Variants in CYP4B1 observed in about 807,000 individuals in gnomAD.
The protein encoded by CYP4B1 is cytochrome P450 family 4 subfamily B member 1, also known as cytochrome P450 4B1.
CYP4B1 carries 45 observed loss-of-function variants against 54.0 expected under a neutral mutation model. That is an observed-to-expected ratio of 0.83 (90% confidence interval 0.66 to 1.07). The LOEUF (loss-of-function observed/expected upper bound fraction) is 1.07. CYP4B1 is among the 50% of genes least tolerant of loss of function. The probability of loss-of-function intolerance (pLI) is 0.00; values close to 1 mark genes in which losing one functional copy is unlikely to be tolerated. For missense variants in CYP4B1, 656 were observed against 655.4 expected (o/e 1.00, Z -0.01); for synonymous variants, 248 against 247.5 (o/e 1.00, Z -0.02).
intron 1 of CYP4B1, among the ~76,000 whole-genome samples, chr1:46,810,181 G>T (rs1679041126): frequency 2.0e-5 from 3 of 152,206 alleles, no homozygotes; most frequent in Admixed American, 2.0e-4. Flanking sequence ...CCAACAAGAA[G>T]CCTTCCAAGA....
rs575674167 is a variant in CYP4B1 at position 46,805,277 on chromosome 1, C to G, written c.181-5531C>G. 5.1e-4 allele frequency among the ~76,000 whole-genome samples: 77 copies of G among 152,328 alleles called. 1 individual carries two copies. The South Asian group carries it at 0.016, about 31-fold the overall frequency. On this transcript the variant is annotated intron_variant, in intron 1 of 11. Transcript: ENST00000371923. ...CTCATCTGATTGGGTGCTCCTGAGT[C>G]TGGAGTTCACCTTTGGATGCTGAAG...
intron 1 of CYP4B1, among the ~76,000 whole-genome samples, 153 bp downstream of exon 1, chr1:46,799,414 C>T (rs1678521554): frequency 6.6e-6 from 1 of 152,184 alleles, no homozygotes; most frequent in African/African-American, 2.4e-5. Context: ...AGCTTTCCCA[C>T]CGGAATTTCT....
At chr1:46,810,703 C>G in intron 1 of CYP4B1, 105 bp from the exon 2 acceptor site, 1 of 1,282,552 alleles carries the variant, frequency 7.8e-7, no homozygotes, top group Non-Finnish European at 1.1e-6. Context: ...AAGGAAGCAA[C>G]CAGGGCCTGC....
chr1:46,818,730 C>T lies in CYP4B1; in HGVS notation c.1455C>T (p.Pro485=). The change falls in exon 12 of 12, where the codon CCC becomes CCT. Residue 485 remains proline (P), a synonymous_variant. Transcript: ENST00000371923. ...FEFSLDPSRL[P]IKMPQLVLRS... ...TCTCTCTGGACCCCTCACGGCTGCC[C>T]ATCAAGATGCCCCAGCTTGTCCTGC... 6.2e-7 allele frequency: 1 copy of T among 1,614,202 alleles called. No homozygotes were observed. Among genetic ancestry groups the T allele is most frequent in the South Asian group, 1.1e-5 (1 of 91,078 alleles).
chr1:46,807,113 A>G (rs1890250), intron 1 of CYP4B1, among the ~76,000 whole-genome samples: 22,906 of 152,212 alleles, frequency 0.15, 1,941 homozygotes, highest in South Asian at 0.2. Flanking sequence ...GCTCATGCAC[A>G]TGTTTTTTAT....
At chr1:46,818,498 C>T (rs1227239112) in intron 11 of CYP4B1, 133 bp from the exon 12 acceptor site, 3 of 959,600 alleles carry the variant, frequency 3.1e-6, no homozygotes, top group Non-Finnish European at 4.8e-6. Flanking sequence ...GTTTCATAAG[C>T]CCAGGTCAAC....
chr1:46,818,053 A>G, intron 10 of CYP4B1, 24 bp downstream of exon 10: 1 of 1,613,598 alleles, frequency 6.2e-7, no homozygotes, highest in Non-Finnish European at 8.5e-7. Flanking sequence ...GGGCTGGGAG[A>G]TCAGACAGGG....
rs774825270 is a variant in CYP4B1, at chr1:46,815,284, C to A, written c.1073+20C>A. 6.5e-7 allele frequency: 1 copy of A among 1,529,012 alleles called. No homozygotes were observed. Among genetic ancestry groups the A allele is most frequent in the Non-Finnish European group, 8.8e-7 (1 of 1,137,494 alleles). The allele number at this position is 1,529,012 out of a possible 1,614,324, so 94.7% of individuals were successfully genotyped here. A position where few individuals can be genotyped will look rare whatever the true frequency, so the allele number is the denominator to read the frequency against. On this transcript the variant is annotated intron_variant, in intron 8 of 11. Transcript: ENST00000371923. Reference sequence around the variant, plus strand: ...CCAGTGGTGAGTCTGAGGGTGGGCCCGGTTTATCCTGCTCAGCCCTTGGGA... The same window carrying A: ...CCAGTGGTGAGTCTGAGGGTGGGCCAGGTTTATCCTGCTCAGCCCTTGGGA...
chr1:46,804,726 A>C (rs1222766734), intron 1 of CYP4B1, among the ~76,000 whole-genome samples: 1 of 152,156 alleles, frequency 6.6e-6, no homozygotes, highest in Non-Finnish European at 1.5e-5. Context: ...TGGGAAGTAC[A>C]GCAAGGGTGA....
intron 4 of CYP4B1, 145 bp downstream of exon 4, chr1:46,812,768 G>GGGCTT: frequency 1.1e-6 from 1 of 930,540 alleles, no homozygotes; most frequent in Non-Finnish European, 1.6e-6. Flanking sequence ...TGCAACAGCA[G>GGGCTT]TGCCAAAGCC....
At chr1:46,806,040 G>A (rs1022690461) in intron 1 of CYP4B1, among the ~76,000 whole-genome samples, 2 of 152,242 alleles carry the variant, frequency 1.3e-5, no homozygotes, top group Non-Finnish European at 2.9e-5. Context: ...AAGGCTATGG[G>A]CAGGTGTCTT....
chr1:46,815,001 C>A, intron 7 of CYP4B1, 73 bp from the exon 8 acceptor site: 1 of 1,379,334 alleles, frequency 7.2e-7, no homozygotes. Context: ...CATTTGACAA[C>A]CACCATTATG....
chr1:46,808,459 G>C (rs976678895), intron 1 of CYP4B1, among the ~76,000 whole-genome samples: 1 of 150,616 alleles, frequency 6.6e-6, no homozygotes, highest in African/African-American at 2.4e-5. Flanking sequence ...AGAAGTGTCT[G>C]TTCATGTCCT....
intron 1 of CYP4B1, among the ~76,000 whole-genome samples, chr1:46,810,166 T>A (rs1679040503): frequency 2.0e-5 from 3 of 152,370 alleles, no homozygotes; most frequent in Non-Finnish European, 4.4e-5. Context: ...CCTTAAATGT[T>A]GTCTCCAACA....
intron 11 of CYP4B1, 140 bp downstream of exon 11, chr1:46,818,353 T>G: frequency 2.4e-6 from 2 of 826,768 alleles, no homozygotes; most frequent in Non-Finnish European, 3.9e-6. Flanking sequence ...GCAGGAGGCT[T>G]CTTCTTGCAA....
intron 1 of CYP4B1, among the ~76,000 whole-genome samples, chr1:46,805,287 C>T (rs1459848769): frequency 1.3e-5 from 2 of 152,210 alleles, no homozygotes; most frequent in African/African-American, 4.8e-5. Flanking sequence ...CTGGAGTTCA[C>T]CTTTGGATGC....
intron 3 of CYP4B1, among the ~76,000 whole-genome samples, chr1:46,811,542 C>A (rs1679101049): frequency 6.6e-6 from 1 of 152,160 alleles, no homozygotes; most frequent in Admixed American, 6.5e-5. Context: ...GGTGGTAGGA[C>A]CACGGCTGGT....
At chr1:46,812,222 C>T (rs1235722337) in intron 3 of CYP4B1, 5 of 596,622 alleles carry the variant, frequency 8.4e-6, no homozygotes, top group African/African-American at 1.8e-5. Context: ...TCATCTGACA[C>T]AAGTTCCTGG....
intron 1 of CYP4B1, among the ~76,000 whole-genome samples, chr1:46,806,015 G>C (rs1440162625): frequency 6.6e-6 from 1 of 152,228 alleles, no homozygotes; most frequent in African/African-American, 2.4e-5. Context: ...TGGTCCCAGA[G>C]GGAGACCCAT....
Sources: gnomAD v4.1 joint callset for allele counts (sites outside exome capture counted in the v4.1 genomes callset) on GRCh38, gnomAD v4.1.1 for gene constraint, MANE v1.5 for transcripts, NCBI Gene and HGNC (gene_info 2026-07-23, HGNC 2026-07-21) for gene names.